FHDC1: variants seen among roughly 807,000 people sequenced by gnomAD.
The protein encoded by FHDC1 is FH2 domain-containing protein 1.
FHDC1 carries 25 observed loss-of-function variants against 52.6 expected under a neutral mutation model. The observed-to-expected ratio is 0.48, with a 90% CI of 0.35 to 0.66. FHDC1 has a LOEUF of 0.66. Ranked by LOEUF, FHDC1 falls within the 30% of genes least tolerant of loss-of-function variation. The pLI, the probability that FHDC1 is intolerant of heterozygous loss-of-function variation, is 0.01. For synonymous variants in FHDC1, 616 were observed against 581.5 expected (o/e 1.06, Z -0.85); for missense variants, 1,459 against 1,452.8 (o/e 1.00, Z -0.07).
At chr4:152,954,399 A>G (rs1034875459) in intron 4 of FHDC1, 80 bp downstream of exon 4, 1 of 1,197,098 alleles carries the variant, frequency 8.4e-7, no homozygotes, top group African/African-American at 1.5e-5. Context: ...CAAAGCTCAC[A>G]TGGAAGGCCA....
intron 8 of FHDC1, among the ~76,000 whole-genome samples, chr4:152,963,603 G>A (rs1740350973): frequency 6.6e-6 from 1 of 151,944 alleles, no homozygotes. Context: ...AATGGTCATA[G>A]GGACAGAGAA....
Position 152,976,009 on chromosome 4 carries a change from G to A in FHDC1, c.2718G>A (p.Met906Ile), listed in dbSNP as rs201755849. ...AGAACGAGAGCATGCGCAAGGTCAT[G>A]CCCATCACCAAGTCCAGCAGAGGCG... ...ASENESMRKV[M>I]PITKSSRGAG... is the part of the protein sequence containing the mutation. Residue 906 changes from methionine to isoleucine, a missense_variant, in exon 12 of 12, where the codon ATG (methionine) becomes ATA (isoleucine). Transcript: ENST00000511601. 1.3e-5 allele frequency: 20 copies of A among 1,547,108 alleles called. No individual in the cohort carries two copies. The East Asian group carries it at 4.5e-4, about 35-fold the overall frequency.
the FHDC1 span, among the ~76,000 whole-genome samples, chr4:152,924,526 C>G: frequency 6.6e-6 from 1 of 152,132 alleles, no homozygotes; most frequent in Non-Finnish European, 1.5e-5. Flanking sequence ...ATCCAAAGGA[C>G]TATAAATCAT....
Position 152,947,254 on chromosome 4 carries a change from G to A in FHDC1, c.498+3699G>A, listed in dbSNP as rs575791071. On this transcript the variant is annotated intron_variant, in intron 2 of 11. Coordinates refer to ENST00000511601, the MANE Select transcript of FHDC1 (RefSeq NM_001371116.1). ...AAAGAAAAAAAGACATTTAGTATGGGAAGATATGAAATGTTACTATCCTTG... is the reference window on the plus strand; with the variant it reads ...AAAGAAAAAAAGACATTTAGTATGGAAAGATATGAAATGTTACTATCCTTG... 1.6e-4 allele frequency among the ~76,000 whole-genome samples: 25 copies of A among 151,880 alleles called. No individual in the cohort carries two copies. In the South Asian group the frequency reaches 4.6e-3, roughly 28 times the overall value.
chr4:152,927,847 G>GA, the FHDC1 span: 1 of 1,436,132 alleles, frequency 7.0e-7, no homozygotes, highest in Non-Finnish European at 9.8e-7. Flanking sequence ...AAGTGGAAAA[G>GA]AAACTGACTG....
chr4:152,929,101 C>T, the FHDC1 span, among the ~76,000 whole-genome samples: 4 of 152,164 alleles, frequency 2.6e-5, no homozygotes, highest in African/African-American at 9.6e-5. The surrounding 1 kb of genome is among the most constrained non-coding windows in gnomAD (Gnocchi z 4.1). Flanking sequence ...TTTAGGGAGA[C>T]ATGAGACATC....
intron 2 of FHDC1, among the ~76,000 whole-genome samples, chr4:152,947,327 G>T (rs1305129794): frequency 1.3e-5 from 2 of 152,106 alleles, no homozygotes; most frequent in Non-Finnish European, 2.9e-5. Context: ...AGATATGATG[G>T]TATAATAATA....
chr4:152,914,891 C>CT, the FHDC1 span, among the ~76,000 whole-genome samples: 950 of 145,864 alleles, frequency 6.5e-3, 6 homozygotes, highest in South Asian at 0.011. Flanking sequence ...TCTGTAAAAA[C>CT]TTTTTTTTTT....
At chr4:152,912,977 T>G in the FHDC1 span, among the ~76,000 whole-genome samples, 1 of 152,180 alleles carries the variant, frequency 6.6e-6, no homozygotes, top group African/African-American at 2.4e-5. Context: ...ACTAGAATGT[T>G]CCTTAGAGAT....
At chr4:152,955,945 C>T (rs967303016) in intron 4 of FHDC1, among the ~76,000 whole-genome samples, 3 of 152,120 alleles carry the variant, frequency 2.0e-5, no homozygotes, top group African/African-American at 4.8e-5. Flanking sequence ...TCAACCTGGC[C>T]GCTCTCTCTC....
rs192442635 is a variant in FHDC1 at position 152,956,869 on chromosome 4, C to T, written c.663+2550C>T. 2.8e-3 allele frequency among the ~76,000 whole-genome samples: 434 copies of T among 152,312 alleles called. 4 individuals carry two copies. The highest frequency in any genetic ancestry group is 0.014 in the Middle Eastern group (4 of 294). On this transcript the variant is annotated intron_variant, in intron 4 of 11. Coordinates refer to ENST00000511601, the MANE Select transcript of FHDC1 (RefSeq NM_001371116.1). ...ACCCTCCAAACTCAACTGGGAGTTTCCTTCAGCAGGAACACCCTGACAGTC... is the reference window on the plus strand; with the variant it reads ...ACCCTCCAAACTCAACTGGGAGTTTTCTTCAGCAGGAACACCCTGACAGTC...
intron 2 of FHDC1, among the ~76,000 whole-genome samples, chr4:152,944,794 G>A (rs1739678973): frequency 6.6e-6 from 1 of 152,226 alleles, no homozygotes; most frequent in African/African-American, 2.4e-5. Context: ...GCTGAACACA[G>A]GCTTGCCTGT....
chr4:152,946,415 T>A (rs1739735016), intron 2 of FHDC1, among the ~76,000 whole-genome samples: 1 of 152,252 alleles, frequency 6.6e-6, no homozygotes, highest in African/African-American at 2.4e-5. Flanking sequence ...TCATGTTATC[T>A]GTAGCGTGGC....
At chr4:152,927,791 A>G in the FHDC1 span, 1 of 1,422,340 alleles carries the variant, frequency 7.0e-7, no homozygotes, top group South Asian at 1.1e-5. Flanking sequence ...GAAGGAATAC[A>G]GAAATAACCT....
At chr4:152,938,959 AAGCCC>A (rs1433702035) in intron 1 of FHDC1, among the ~76,000 whole-genome samples, 1 of 152,176 alleles carries the variant, frequency 6.6e-6, no homozygotes, top group African/African-American at 2.4e-5. Context: ...TCGTTCAGGA[AAGCCC>A]TGAGCTCCAA....
At chr4:152,913,083 GATGAGTATTTGCAACTATATACT>G in the FHDC1 span, among the ~76,000 whole-genome samples, 1 of 152,114 alleles carries the variant, frequency 6.6e-6, no homozygotes, top group African/African-American at 2.4e-5. Flanking sequence ...TGTAATGCTG[GATGAGTATTTGCAACTATATACT>G]TCAATTCCCC....
chr4:152,943,629 AAAT>A, intron 2 of FHDC1, 74 bp downstream of exon 2: 1 of 1,485,986 alleles, frequency 6.7e-7, no homozygotes, highest in Non-Finnish European at 9.0e-7. Context: ...TGTACATTTC[AAAT>A]AATTGCTAGA....
chr4:152,960,298 C>T (rs758362786), intron 4 of FHDC1, among the ~76,000 whole-genome samples: 4 of 152,086 alleles, frequency 2.6e-5, no homozygotes, highest in Non-Finnish European at 5.9e-5. Context: ...ATTCTGCTGG[C>T]TCCAGCTCTC....
the FHDC1 span, among the ~76,000 whole-genome samples, chr4:152,930,962 AACAC>A: frequency 6.7e-3 from 702 of 104,764 alleles, 3 homozygotes; most frequent in African/African-American, 0.017. Flanking sequence ...TCCCCAGGGA[AACAC>A]ACACACACAC....
Sources: allele counts gnomAD v4.1 joint callset (sites outside exome capture counted in the v4.1 genomes callset), GRCh38; gene constraint gnomAD v4.1.1; non-coding constraint Gnocchi (gnomAD v3.1); transcripts MANE v1.5; gene names NCBI Gene and HGNC (gene_info 2026-07-23, HGNC 2026-07-21).